The following MAP3K8 variants were observed in gnomAD, a reference collection of about 807,000 sequenced individuals.
MAP3K8 encodes the protein Ewing sarcoma transformant.
MAP3K8 carries 22 observed loss-of-function variants against 45.8 expected under a neutral mutation model. The observed-to-expected ratio is 0.48, with a 90% confidence interval of 0.34 to 0.69. The LOEUF (loss-of-function observed/expected upper bound fraction) is 0.69, where lower values mean the gene tolerates loss of function less well. MAP3K8 is among the 30% of genes least tolerant of loss of function. The pLI is 0.01. For missense variants in MAP3K8, 419 were observed against 585.0 expected (o/e 0.72, Z 2.93); for synonymous variants, 223 against 214.3 (o/e 1.04, Z -0.36).
At position 30,447,952 on chromosome 10, in the gene MAP3K8, ATG is replaced by A; in HGVS notation, c.504+7_504+8del. 1 of 1,601,484 alleles carries A rather than the reference ATG, an allele frequency of 6.2e-7. No individual in the cohort carries two copies. The highest frequency in any genetic ancestry group is 8.5e-7 in the Non-Finnish European group (1 of 1,176,452). The stretch of plus-strand genomic sequence containing the variant: ...AGAAAAGAATGGCGTGTAAACTGGT[ATG>A]TGTTTTCTACCTAGATAACCCACAC... On this transcript the variant is annotated splice_donor_5th_base_variant and intron_variant, in intron 4 of 8. Coordinates refer to ENST00000263056, the MANE Select transcript of MAP3K8 (RefSeq NM_005204.4).
chr10:30,458,512 A>G (rs1267033769), intron 7 of MAP3K8, among the ~76,000 whole-genome samples: 16 of 152,280 alleles, frequency 1.1e-4, no homozygotes, highest in Admixed American at 9.2e-4. Flanking sequence ...ACTTAGTAGC[A>G]TCAGAGTAGC....
chr10:30,458,911 C>CA (rs1347436639), intron 7 of MAP3K8, among the ~76,000 whole-genome samples: 2 of 152,028 alleles, frequency 1.3e-5, no homozygotes, highest in Non-Finnish European at 2.9e-5. Flanking sequence ...CCCATCGCTA[C>CA]AAAAAATTAA....
Position 30,461,577 on chromosome 10 carries a change from C to A in MAP3K8, c.*741C>A, listed in dbSNP as rs1836939963. On this transcript the variant is annotated 3_prime_UTR_variant, in exon 9 of 9. Coordinates refer to ENST00000263056, the MANE Select transcript of MAP3K8 (RefSeq NM_005204.4). ...ATGTGACCTTTAAGAAAAATGAAAA[C>A]TTTTGTAAATTATTGATGATTTTGT... The A allele has an allele frequency of 5.2e-6, 1 of 190,538 alleles. No homozygotes were observed. The allele number at this position is 190,538 out of a possible 1,614,324, so 11.8% of individuals were successfully genotyped here. A position where few individuals can be genotyped will look rare whatever the true frequency, so the allele number is the denominator to read the frequency against.
intron 1 of MAP3K8, among the ~76,000 whole-genome samples, chr10:30,435,020 A>G (rs1264530928): frequency 2.6e-5 from 4 of 152,212 alleles, no homozygotes; most frequent in Non-Finnish European, 5.9e-5. Context: ...AGTTATTTTC[A>G]CGGAAGTTGT....
In MAP3K8 at chr10:30,460,693, T is replaced by C; in HGVS notation, c.1274-13T>C. On this transcript the variant is annotated splice_polypyrimidine_tract_variant and intron_variant, in intron 8 of 8. Transcript: ENST00000263056. ...TTTTCTTGTTACTTACTTTGTAATG[T>C]TTTCCTTTTCAGATTCTTCGTGCAC... The C allele has an allele frequency of 1.3e-6, 2 of 1,597,578 alleles. No individual in the cohort carries two copies. The highest frequency in any genetic ancestry group is 1.7e-6 in the Non-Finnish European group (2 of 1,170,844).
intron 6 of MAP3K8, among the ~76,000 whole-genome samples, 176 bp downstream of exon 6, chr10:30,451,920 A>G (rs1218505489): frequency 6.6e-6 from 1 of 152,226 alleles, no homozygotes; most frequent in Non-Finnish European, 1.5e-5. Flanking sequence ...TACTAAGTTT[A>G]GCACTTGATT....
intron 4 of MAP3K8, 90 bp downstream of exon 4, chr10:30,448,039 A>G (rs1836400141): frequency 8.2e-7 from 1 of 1,226,788 alleles, no homozygotes; most frequent in South Asian, 1.5e-5. Context: ...AAAGGTTTTT[A>G]TCGTTTGATT....
chr10:30,439,899 C>G (rs1043354356), intron 3 of MAP3K8, among the ~76,000 whole-genome samples: 1 of 152,204 alleles, frequency 6.6e-6, no homozygotes, highest in Admixed American at 6.5e-5. Context: ...TAATGAGACT[C>G]CTTCGTCTGA....
chr10:30,440,102 G>A (rs780735761), intron 3 of MAP3K8, among the ~76,000 whole-genome samples: 1 of 152,142 alleles, frequency 6.6e-6, no homozygotes, highest in Non-Finnish European at 1.5e-5. Flanking sequence ...CTTAATCATC[G>A]CAAGTATGCA....
At chr10:30,436,756 C>T (rs1423255372) in intron 1 of MAP3K8, among the ~76,000 whole-genome samples, 2 of 149,616 alleles carry the variant, frequency 1.3e-5, no homozygotes, top group Non-Finnish European at 3.0e-5. Context: ...TGAATTTGAA[C>T]TGTGTGGACT....
intron 3 of MAP3K8, among the ~76,000 whole-genome samples, chr10:30,441,751 T>C (rs756899643): frequency 2.0e-5 from 3 of 152,192 alleles, no homozygotes; most frequent in Non-Finnish European, 4.4e-5. Context: ...AGCTCCATGC[T>C]TCATAAATGA....
Position 30,450,311 on chromosome 10 carries a change from G to T in MAP3K8, c.558G>T (p.Arg186=), listed in dbSNP as rs1836492073. ...ATGTGGAAATCCAGGCTTGCTTCCG[G>T]CACGAGAACATCGCAGAGCTGTATG... is the stretch of plus-strand genomic sequence containing the variant. The part of the protein sequence containing the change: ...PSDVEIQACF[R]HENIAELYGA... The change falls in exon 5 of 9, where the codon CGG becomes CGT. Residue 186 remains arginine, a synonymous_variant. Coordinates refer to ENST00000263056, the MANE Select transcript of MAP3K8 (RefSeq NM_005204.4). The T allele has an allele frequency of 5.0e-6, 8 of 1,612,256 alleles. No homozygotes were observed. The highest frequency in any genetic ancestry group is 6.8e-6 in the Non-Finnish European group (8 of 1,178,566).
In MAP3K8 at chr10:30,461,649, G is replaced by T; in HGVS notation, c.*813G>T. ...TTTTAAGCATTTGTATATTAAAATA[G>T]CATACTGTGTATGTTTTATATCAAA... On this transcript the variant is annotated 3_prime_UTR_variant, in exon 9 of 9. Transcript: ENST00000263056. 1 of 185,604 alleles carries T rather than the reference G, an allele frequency of 5.4e-6. No homozygotes were observed. Among genetic ancestry groups the T allele is most frequent in the Non-Finnish European group, 1.1e-5 (1 of 87,628 alleles). 11.5% of individuals were successfully genotyped at this position (185,604 alleles called of 1,614,324 possible).
Position 30,460,728 on chromosome 10 carries a change from C to G in MAP3K8, c.1296C>G (p.Thr432=), listed in dbSNP as rs369517029. The G allele has an allele frequency of 2.5e-6, 4 of 1,611,122 alleles. No individual in the cohort carries two copies. The African/African-American group carries it at 5.3e-5, about 22-fold the overall frequency. Residue 432 remains threonine, a synonymous_variant, in exon 9 of 9, where the codon ACC becomes ACG. Coordinates refer to ENST00000263056, the MANE Select transcript of MAP3K8 (RefSeq NM_005204.4). Reference sequence around the variant, plus strand: ...CAGATTCTTCGTGCACAGGAAGCACCGAGGAATCTGAGATGCTCAAGAGGC... The same window carrying G: ...CAGATTCTTCGTGCACAGGAAGCACGGAGGAATCTGAGATGCTCAAGAGGC... ...NIADSSCTGS[T]EESEMLKRQR...
chr10:30,450,950 G>A (rs1489720493), intron 5 of MAP3K8, among the ~76,000 whole-genome samples: 1 of 151,630 alleles, frequency 6.6e-6, no homozygotes, highest in Non-Finnish European at 1.5e-5. Flanking sequence ...AAAATAGCTG[G>A]GCATGGTGGT....
In MAP3K8 at chr10:30,440,357, T is replaced by C. The variant is rs78132710; in HGVS notation, c.336+1083T>C. ...TGTATCTAAATGGCAAAATGGCTAA[T>C]GTTGGGGGAAAGTCGGTGCTGAATG... On this transcript the variant is annotated intron_variant, in intron 3 of 8. Transcript: ENST00000263056. Among the ~76,000 whole-genome samples, 183 of 152,310 alleles carry C rather than the reference T, an allele frequency of 1.2e-3. 1 individual carries two copies. In the East Asian group the frequency reaches 0.027, roughly 23 times the overall value.
At chr10:30,459,201 T>A in intron 7 of MAP3K8, 54 bp from the exon 8 acceptor site, 1 of 1,603,344 alleles carries the variant, frequency 6.2e-7, no homozygotes, top group Non-Finnish European at 8.5e-7. Flanking sequence ...ATGCTTTTGC[T>A]GTTGAGGGTG....
intron 6 of MAP3K8, among the ~76,000 whole-genome samples, 174 bp from the exon 7 acceptor site, chr10:30,457,910 G>A (rs1475139484): frequency 6.6e-6 from 1 of 152,156 alleles, no homozygotes; most frequent in African/African-American, 2.4e-5. Flanking sequence ...CCGGCCAGGT[G>A]TTCTTCATCA....
chr10:30,449,787 G>A (rs566292946), intron 4 of MAP3K8, among the ~76,000 whole-genome samples: 221 of 152,262 alleles, frequency 1.5e-3, no homozygotes, highest in African/African-American at 4.6e-3. Flanking sequence ...TGGGATTACA[G>A]GCATGAGCCA....
Sources: allele counts gnomAD v4.1 joint callset (sites outside exome capture counted in the v4.1 genomes callset), GRCh38; gene constraint gnomAD v4.1.1; transcripts MANE v1.5; gene names NCBI Gene and HGNC (gene_info 2026-07-23, HGNC 2026-07-21).